VSIG2: variants seen among roughly 807,000 people sequenced by gnomAD.
VSIG2 encodes V-set and immunoglobulin domain containing 2.
VSIG2 carries 30 observed loss-of-function variants against 29.4 expected under a neutral mutation model. The observed-to-expected ratio is 1.02, with a 90% CI of 0.76 to 1.38. The LOEUF (loss-of-function observed/expected upper bound fraction) is 1.38. VSIG2 is among the 40% of genes most tolerant of loss of function. The pLI, the probability that VSIG2 is intolerant of heterozygous loss-of-function variation, is 0.00. For synonymous variants in VSIG2, 178 were observed against 174.2 expected (o/e 1.02, Z -0.17); for missense variants, 421 against 400.8 (o/e 1.05, Z -0.43).
chr11:124,749,872 A>AAAAAAAAAAAAAAC lies in VSIG2; in HGVS notation c.428-7_428-6insGTTTTTTTTTTTTT. Reference sequence around the variant, plus strand: ...TAAGGGATTACTGGGGGGAACTGCAAAAAAAAAAAAAAAAAAAAAAAAACA... The same window carrying AAAAAAAAAAAAAAC: ...TAAGGGATTACTGGGGGGAACTGCAAAAAAAAAAAAAAACAAAAAAAAAAAAAAAAAAAAAAACA... On this transcript the variant is annotated splice_polypyrimidine_tract_variant and splice_region_variant and intron_variant, in intron 3 of 6. Transcript: ENST00000326621. 1 of 758,402 alleles carries AAAAAAAAAAAAAAC rather than the reference A, an allele frequency of 1.3e-6. No homozygotes were observed. The highest frequency in any genetic ancestry group is 2.4e-5 in the South Asian group (1 of 41,986). 47.0% of individuals were successfully genotyped at this position (758,402 alleles called of 1,614,324 possible).
chr11:124,748,047 A>T, intron 6 of VSIG2: 1 of 352,262 alleles, frequency 2.8e-6, no homozygotes. Flanking sequence ...GGACAAATCC[A>T]TTTCCTGGCA....
At position 124,748,705 on chromosome 11, in the gene VSIG2, G is replaced by A. The variant is rs765385395; in HGVS notation, c.645C>T (p.Tyr215=). The change falls in exon 5 of 7, where the codon TAC becomes TAT. Residue 215 remains tyrosine, a synonymous_variant. Coordinates refer to ENST00000326621, the MANE Select transcript of VSIG2 (RefSeq NM_014312.5). ...CCATCTGGTTGGTGGCCACACAGCG[G>A]TAGGTGCCCGAGGAGGTCAGGGAGA... ...TNLSLTSSGT[Y]RCVATNQMGS... 1 of 1,614,204 alleles carries A rather than the reference G, an allele frequency of 6.2e-7. No homozygotes were observed. The highest frequency in any genetic ancestry group is 1.7e-5 in the Admixed American group (1 of 60,036).
chr11:124,750,895 C>G lies in VSIG2; in HGVS notation c.246G>C (p.Leu82=). The change falls in exon 3 of 7, where the codon CTG becomes CTC. Residue 82 remains leucine (L), a synonymous_variant. Coordinates refer to ENST00000326621, the MANE Select transcript of VSIG2 (RefSeq NM_014312.5). ...HPILYFTNGH[L]YPTGSKSKRV... ...GCTTTGACTTAGAACCAGTTGGATA[C>G]AGATGGCCATTGGTGAAGTACAGGA... 1 of 1,614,108 alleles carries G rather than the reference C, an allele frequency of 6.2e-7. No homozygotes were observed. The highest frequency in any genetic ancestry group is 1.3e-5 in the African/African-American group (1 of 75,018).
At chr11:124,751,079 A>G (rs949043704) in intron 2 of VSIG2, among the ~76,000 whole-genome samples, 158 bp from the exon 3 acceptor site, 1 of 151,706 alleles carries the variant, frequency 6.6e-6, no homozygotes, top group Non-Finnish European at 1.5e-5. Flanking sequence ...TCTGTCCCCA[A>G]ACACCACCCC....
At chr11:124,747,707 C>T (rs1944030481) in intron 6 of VSIG2, 40 bp from the exon 7 acceptor site, 1 of 1,597,786 alleles carries the variant, frequency 6.3e-7, no homozygotes, top group Non-Finnish European at 8.5e-7. Context: ...CAGTAGAAGC[C>T]TCCTGCGGAG....
chr11:124,747,535 TCA>T lies in VSIG2; in HGVS notation c.982_983del (p.Ter328ThrfsTer6). On this transcript the variant is annotated frameshift_variant and stop_lost, in exon 7 of 7. Coordinates refer to ENST00000326621, the MANE Select transcript of VSIG2 (RefSeq NM_014312.5). LOFTEE classifies it high-confidence loss of function. The part of the protein sequence containing the change: ...TTKSKLPMVV[*>X] ...CACCGCCCTCAGGGATCGGGAGAAG[TCA>T]CACGACCATAGGGAGCTTGGACTTG... 6.2e-7 allele frequency: 1 copy of T among 1,607,876 alleles called. No homozygotes were observed. Among genetic ancestry groups the T allele is most frequent in the Non-Finnish European group, 8.5e-7 (1 of 1,177,674 alleles).
chr11:124,747,988 C>G, intron 6 of VSIG2: 1 of 366,218 alleles, frequency 2.7e-6, no homozygotes, highest in Non-Finnish European at 4.9e-6. Context: ...GTTTCCCCTC[C>G]CCTTTCCTGA....
In VSIG2 at chr11:124,751,437, A is replaced by G; in HGVS notation, c.205T>C (p.Ser69Pro). Residue 69 changes from serine (S) to proline (P), a missense_variant, in exon 2 of 7, where the codon TCT becomes CCT. Coordinates refer to ENST00000326621, the MANE Select transcript of VSIG2 (RefSeq NM_014312.5). ...WSFVQPGKPISESHPILYFTN... is the reference protein window; with the variant it reads ...WSFVQPGKPIPESHPILYFTN... The stretch of plus-strand genomic sequence containing the variant: ...TCTCAGCTCACTGGATGGGACTCAG[A>G]GATGGGTTTCCCAGGCTGCACAAAG... The G allele has an allele frequency of 6.2e-7, 1 of 1,612,518 alleles. No homozygotes were observed. The highest frequency in any genetic ancestry group is 2.2e-5 in the East Asian group (1 of 44,862).
At chr11:124,750,112 G>A (rs1398995820) in intron 3 of VSIG2, among the ~76,000 whole-genome samples, 1 of 152,122 alleles carries the variant, frequency 6.6e-6, no homozygotes, top group Non-Finnish European at 1.5e-5. Context: ...TCCACCCATT[G>A]GTTTCAGTTC....
rs11604175 is a variant in VSIG2 at position 124,749,511 on chromosome 11, C to T, written c.586+197G>A. 0.37 allele frequency among the ~76,000 whole-genome samples: 56,551 copies of T among 151,866 alleles called. 13,772 individuals carry two copies. Among genetic ancestry groups the T allele is most frequent in the African/African-American group, 0.7 (29,058 of 41,380 alleles). ...CAGTATATTCAGCTTGAGAAATACC[C>T]CCAGGATCATGCAGCCACAGACTGC... On this transcript the variant is annotated intron_variant, in intron 4 of 6. Transcript: ENST00000326621.
In VSIG2 at chr11:124,749,776, G is replaced by A. The variant is rs1247530712; in HGVS notation, c.518C>T (p.Pro173Leu). Residue 173 changes from proline to leucine, a missense_variant, in exon 4 of 7, where the codon CCT becomes CTT. Physicochemically the swap from Pro to Leu is moderately conservative, Grantham distance 98. Coordinates refer to ENST00000326621, the MANE Select transcript of VSIG2 (RefSeq NM_014312.5). ...ALRCSSSEGA[P>L]KPVYNWVRLG... ...ACGCACCCAGTTGTACACTGGCTTA[G>A]GAGCCCCCTCGGAAGAGCTGCATCT... 8 of 1,612,212 alleles carry A rather than the reference G, an allele frequency of 5.0e-6. No individual in the cohort carries two copies. The highest frequency in any genetic ancestry group is 6.8e-6 in the Non-Finnish European group (8 of 1,179,628).
chr11:124,750,567 C>G (rs1305110164), intron 3 of VSIG2, 147 bp downstream of exon 3: 6 of 736,388 alleles, frequency 8.1e-6, no homozygotes, highest in Non-Finnish European at 1.3e-5. Flanking sequence ...AATTAGAAGA[C>G]TTGGAAAGGG....
At chr11:124,750,008 AT>A (rs1187125925) in intron 3 of VSIG2, 142 bp from the exon 4 acceptor site, 7 of 953,062 alleles carry the variant, frequency 7.3e-6, no homozygotes, top group Non-Finnish European at 1.0e-5. Context: ...ACACCACTGC[AT>A]CCCCAGGAAC....
intron 1 of VSIG2, among the ~76,000 whole-genome samples, chr11:124,751,853 TG>T (rs1288930345): frequency 6.6e-6 from 1 of 152,218 alleles, no homozygotes; most frequent in Non-Finnish European, 1.5e-5. Context: ...GGTTCAGGCC[TG>T]TGCCGCGGAG....
chr11:124,749,498 C>T (rs775880270), intron 4 of VSIG2, among the ~76,000 whole-genome samples: 1 of 152,126 alleles, frequency 6.6e-6, no homozygotes, highest in Non-Finnish European at 1.5e-5. Context: ...GTATATTCAG[C>T]TTGAGAAATA....
intron 1 of VSIG2, 70 bp downstream of exon 1, chr11:124,752,007 T>A: frequency 6.8e-7 from 1 of 1,464,348 alleles, no homozygotes. Context: ...ACAGAGTGGG[T>A]CCGAGGAGCC....
chr11:124,750,277 C>T (rs1944069443), intron 3 of VSIG2, among the ~76,000 whole-genome samples: 1 of 152,232 alleles, frequency 6.6e-6, no homozygotes, highest in Admixed American at 6.5e-5. Flanking sequence ...TTGCTCATCT[C>T]TGAAAAGGCT....
intron 1 of VSIG2, 57 bp from the exon 2 acceptor site, chr11:124,751,637 G>A: frequency 6.7e-7 from 1 of 1,501,016 alleles, no homozygotes; most frequent in Non-Finnish European, 8.9e-7. Flanking sequence ...CTGGAGGGTC[G>A]GGCCCACCCC....
chr11:124,749,884 A>ACC lies in VSIG2; in HGVS notation c.428-19_428-18insGG. 1 of 1,460,326 alleles carries ACC rather than the reference A, an allele frequency of 6.8e-7. No homozygotes were observed. Among genetic ancestry groups the ACC allele is most frequent in the East Asian group, 2.4e-5 (1 of 40,858 alleles). The allele number at this position is 1,460,326 out of a possible 1,614,324, so 90.5% of individuals were successfully genotyped here. On this transcript the variant is annotated intron_variant, in intron 3 of 6. Coordinates refer to ENST00000326621, the MANE Select transcript of VSIG2 (RefSeq NM_014312.5). Reference sequence around the variant, plus strand: ...GGGGGGAACTGCAAAAAAAAAAAAAAAAAAAAAAAAACAGAAAGTTCCTCA... The same window carrying ACC: ...GGGGGGAACTGCAAAAAAAAAAAAAACCAAAAAAAAAAACAGAAAGTTCCTCA...
Sources: allele counts gnomAD v4.1 joint callset (sites outside exome capture counted in the v4.1 genomes callset), GRCh38; gene constraint gnomAD v4.1.1; transcripts MANE v1.5; gene names NCBI Gene and HGNC (gene_info 2026-07-23, HGNC 2026-07-21).